The following HLCS variants were observed in gnomAD, a reference collection of about 807,000 sequenced individuals.
HLCS encodes the protein biotin--protein ligase.
HLCS carries 53 observed loss-of-function variants against 75.0 expected under a neutral mutation model. That is an observed-to-expected ratio of 0.71 (90% CI 0.57 to 0.89). The LOEUF is 0.89. Among genes scored for constraint, HLCS ranks in the 40% least tolerant of loss-of-function variants. HLCS has a pLI of 0.00. For synonymous variants in HLCS, 431 were observed against 428.6 expected (o/e 1.01, Z -0.07); for missense variants, 966 against 1,074.0 (o/e 0.90, Z 1.41).
chr21:36,896,366 A>C (rs2065012045), intron 6 of HLCS, among the ~76,000 whole-genome samples: 1 of 152,218 alleles, frequency 6.6e-6, no homozygotes, highest in African/African-American at 2.4e-5. Context: ...TCAATCAATG[A>C]ATAAATGTAT....
intron 1 of HLCS, among the ~76,000 whole-genome samples, chr21:36,984,171 A>G (rs2069182723): frequency 6.6e-6 from 1 of 152,124 alleles, no homozygotes; most frequent in Admixed American, 6.5e-5. Flanking sequence ...AAAATTTTAA[A>G]TGTTCAATAA....
chr21:36,875,968 G>A (rs778461403), intron 6 of HLCS, among the ~76,000 whole-genome samples: 8 of 151,656 alleles, frequency 5.3e-5, no homozygotes, highest in Non-Finnish European at 1.2e-4. Flanking sequence ...CCTTGTCTAG[G>A]TGCTGGTGCC....
At chr21:36,812,241 T>G in intron 6 of HLCS, among the ~76,000 whole-genome samples, 1 of 152,194 alleles carries the variant, frequency 6.6e-6, no homozygotes. Flanking sequence ...TCTATCCTTC[T>G]CAGAGTCTGA....
At chr21:36,924,648 C>G (rs2066322698) in intron 5 of HLCS, among the ~76,000 whole-genome samples, 1 of 152,192 alleles carries the variant, frequency 6.6e-6, no homozygotes, top group Non-Finnish European at 1.5e-5. Context: ...AGGACTCCTT[C>G]CCCGCCCTGC....
intron 6 of HLCS, among the ~76,000 whole-genome samples, chr21:36,784,778 A>C (rs538179537): frequency 6.6e-6 from 1 of 152,242 alleles, no homozygotes; most frequent in South Asian, 2.1e-4. Context: ...ACATTTTCTA[A>C]AAGTAAATAC....
chr21:36,756,242 T>C (rs552767274), intron 10 of HLCS, among the ~76,000 whole-genome samples: 16 of 149,794 alleles, frequency 1.1e-4, no homozygotes, highest in Non-Finnish European at 1.9e-4. Flanking sequence ...ATCGAGACCA[T>C]CCTGGCTAAC....
chr21:36,799,449 T>A (rs576588683), intron 6 of HLCS, among the ~76,000 whole-genome samples: 1 of 152,336 alleles, frequency 6.6e-6, no homozygotes, highest in Admixed American at 6.5e-5. Context: ...CCTGGATATG[T>A]AAAAATTATA....
chr21:36,760,200 G>A (rs2089777222), intron 8 of HLCS, among the ~76,000 whole-genome samples: 1 of 152,210 alleles, frequency 6.6e-6, no homozygotes, highest in African/African-American at 2.4e-5. Context: ...GCTAGGGCCA[G>A]AGGGTGGGGA....
chr21:36,986,899 T>G (rs1332303926), intron 1 of HLCS: 1 of 152,276 alleles, frequency 6.6e-6, no homozygotes. Context: ...GCTGGCATTC[T>G]CCTCTTCTAC....
intron 6 of HLCS, among the ~76,000 whole-genome samples, chr21:36,812,206 T>C (rs1026822193): frequency 1.3e-5 from 2 of 152,150 alleles, no homozygotes; most frequent in East Asian, 3.9e-4. Context: ...TTTTGCGGAA[T>C]CAACTCTGTA....
At chr21:36,904,785 T>C (rs986632696) in intron 5 of HLCS, among the ~76,000 whole-genome samples, 3 of 152,166 alleles carry the variant, frequency 2.0e-5, no homozygotes, top group East Asian at 3.8e-4. Context: ...GACTTGAGAG[T>C]TGCATATACA....
chr21:36,852,061 A>AT (rs1303039718), intron 6 of HLCS: 1 of 152,192 alleles, frequency 6.6e-6, no homozygotes, highest in African/African-American at 2.4e-5. Flanking sequence ...ATTTAAAGAG[A>AT]TTTTTTTAAG....
chr21:36,981,070 AC>A (rs1182354301), intron 1 of HLCS: 1 of 152,334 alleles, frequency 6.6e-6, no homozygotes, highest in Non-Finnish European at 1.5e-5. Context: ...GGCCCCTTCC[AC>A]GCTCGCCTGC....
chr21:36,812,726 T>C (rs1408851279), intron 6 of HLCS, among the ~76,000 whole-genome samples: 1 of 151,660 alleles, frequency 6.6e-6, no homozygotes, highest in Non-Finnish European at 1.5e-5. Context: ...AGGAAAAAAA[T>C]ACTAAATTTT....
At chr21:36,792,494 A>C in intron 6 of HLCS, among the ~76,000 whole-genome samples, 1 of 101,394 alleles carries the variant, frequency 9.9e-6, no homozygotes, top group Non-Finnish European at 2.0e-5. Flanking sequence ...AAGGGATGGA[A>C]GGGAAGGGAG....
chr21:36,876,439 A>G (rs2063981205), intron 6 of HLCS, among the ~76,000 whole-genome samples: 1 of 152,168 alleles, frequency 6.6e-6, no homozygotes. Context: ...AACCATGATC[A>G]TGGTTTCTCT....
At chr21:36,827,600 CAAAAACAAT>C (rs1200073088) in intron 6 of HLCS, among the ~76,000 whole-genome samples, 1 of 146,054 alleles carries the variant, frequency 6.8e-6, no homozygotes, top group African/African-American at 2.5e-5. Flanking sequence ...CAACAAAAAA[CAAAAACAAT>C]AAAATAACCA....
intron 6 of HLCS, among the ~76,000 whole-genome samples, chr21:36,822,503 A>C (rs566521834): frequency 6.6e-6 from 1 of 152,272 alleles, no homozygotes; most frequent in African/African-American, 2.4e-5. Flanking sequence ...TATTTATCTG[A>C]CCTGATGGGT....
intron 6 of HLCS, among the ~76,000 whole-genome samples, chr21:36,834,936 A>C (rs180893797): frequency 6.6e-6 from 1 of 152,352 alleles, no homozygotes. Context: ...TCTTTGGAGA[A>C]AGCAATGAGC....
Sources: allele counts gnomAD v4.1 joint callset (sites outside exome capture counted in the v4.1 genomes callset), GRCh38; gene constraint gnomAD v4.1.1; transcripts MANE v1.5; gene names NCBI Gene and HGNC (gene_info 2026-07-23, HGNC 2026-07-21).